Variants in PIK3C3 observed in about 807,000 individuals in gnomAD.
PIK3C3 encodes phosphatidylinositol 3-kinase catalytic subunit type 3, also known as PI3-kinase type 3.
PIK3C3 carries 95 observed loss-of-function variants against 126.1 expected under a neutral mutation model. The observed-to-expected ratio is 0.75, with a 90% CI of 0.64 to 0.89. PIK3C3 has a LOEUF of 0.89. Among genes scored for constraint, PIK3C3 ranks in the 40% least tolerant of loss-of-function variants. The probability of loss-of-function intolerance (pLI) is 0.00; values close to 1 mark genes in which losing one functional copy is unlikely to be tolerated. For missense variants in PIK3C3, 829 were observed against 1,063.2 expected, an observed-to-expected ratio of 0.78 and a Z score of 3.06; for synonymous variants, 374 against 360.0, an observed-to-expected ratio of 1.04 and a Z score of -0.44.
intron 24 of PIK3C3, among the ~76,000 whole-genome samples, chr18:42,076,165 C>A (rs867868404): frequency 9.6e-6 from 1 of 103,676 alleles, no homozygotes; most frequent in Non-Finnish European, 1.8e-5. Flanking sequence ...TATATATGCA[C>A]ATATATATAT....
At chr18:42,016,936 C>T (rs1190826746) in intron 12 of PIK3C3, among the ~76,000 whole-genome samples, 4 of 152,020 alleles carry the variant, frequency 2.6e-5, no homozygotes. Context: ...GATTTACACT[C>T]CCCCATCACT....
At chr18:42,009,313 A>C (rs540130938) in intron 10 of PIK3C3, among the ~76,000 whole-genome samples, 1 of 152,274 alleles carries the variant, frequency 6.6e-6, no homozygotes, top group Non-Finnish European at 1.5e-5. Context: ...CATTTAATTT[A>C]TATTTATGAT....
intron 24 of PIK3C3, among the ~76,000 whole-genome samples, chr18:42,076,817 G>A (rs1986051629): frequency 6.6e-6 from 1 of 152,128 alleles, no homozygotes; most frequent in Non-Finnish European, 1.5e-5. Context: ...GGTTTGCCAT[G>A]TTTGCTTCAT....
At chr18:42,051,948 C>T (rs933099891) in intron 21 of PIK3C3, among the ~76,000 whole-genome samples, 1 of 151,284 alleles carries the variant, frequency 6.6e-6, no homozygotes, top group African/African-American at 2.4e-5. Flanking sequence ...ACGTTGTGCA[C>T]ATGTACCCTA....
At chr18:42,076,131 T>TATATTTATATATGCAC (rs1555643380) in intron 24 of PIK3C3, among the ~76,000 whole-genome samples, 1 of 83,478 alleles carries the variant, frequency 1.2e-5, no homozygotes, top group Non-Finnish European at 2.1e-5. Context: ...TGCGCATATA[T>TATATTTATATATGCAC]ATATATATAT....
rs898290778 is a variant in PIK3C3, at chr18:41,962,399, C to T, written c.258-90C>T. 1.2e-5 allele frequency: 13 copies of T among 1,106,192 alleles called. No homozygotes were observed. In the South Asian group the frequency reaches 3.1e-4, roughly 26 times the overall value. The allele number at this position is 1,106,192 out of a possible 1,614,324, so 68.5% of individuals were successfully genotyped here. A position where few individuals can be genotyped will look rare whatever the true frequency, so the allele number is the denominator to read the frequency against. On this transcript the variant is annotated intron_variant, in intron 2 of 24. Transcript: ENST00000262039. Reference sequence around the variant, plus strand: ...CTAACAACATTTTTGGAACCTTTTCCTCTGGCCAAAACTTTTTGTGTGGTT... The same window carrying T: ...CTAACAACATTTTTGGAACCTTTTCTTCTGGCCAAAACTTTTTGTGTGGTT...
intron 4 of PIK3C3, chr18:41,985,217 A>G (rs985446979): frequency 2.6e-5 from 4 of 152,198 alleles, no homozygotes; most frequent in African/African-American, 7.2e-5. Flanking sequence ...TCTCTCAAGA[A>G]GATGATTTTG....
At chr18:41,957,502 G>C in intron 1 of PIK3C3, 68 bp from the exon 2 acceptor site, 1 of 1,461,260 alleles carries the variant, frequency 6.8e-7, no homozygotes, top group South Asian at 1.2e-5. Flanking sequence ...TACATGCTTA[G>C]TACTTATGTA....
At chr18:42,008,327 C>T (rs913490012) in intron 10 of PIK3C3, among the ~76,000 whole-genome samples, 5 of 151,888 alleles carry the variant, frequency 3.3e-5, no homozygotes, top group South Asian at 2.1e-4. Flanking sequence ...AGAATTTTTA[C>T]GTTTGGAGTT....
At chr18:42,014,533 A>G (rs147481490) in intron 11 of PIK3C3, among the ~76,000 whole-genome samples, 134 of 152,246 alleles carry the variant, frequency 8.8e-4, no homozygotes, top group African/African-American at 3.1e-3. Context: ...GTATCTTGCA[A>G]ATGGTAGAGT....
intron 16 of PIK3C3, among the ~76,000 whole-genome samples, chr18:42,034,583 C>T (rs1358206793): frequency 1.3e-5 from 2 of 152,102 alleles, no homozygotes; most frequent in Admixed American, 6.6e-5. Flanking sequence ...CTCTTTAGTC[C>T]TTAGTAGCAT....
chr18:41,993,941 A>C (rs549582706), intron 7 of PIK3C3, among the ~76,000 whole-genome samples: 1 of 152,234 alleles, frequency 6.6e-6, no homozygotes, highest in Non-Finnish European at 1.5e-5. Flanking sequence ...AGAATTACAA[A>C]CTTGTAGGCA....
rs546064253 is a variant in PIK3C3, at chr18:42,076,632, A to G, written c.2650-4491A>G. ...AACAAAGAATACAGGCACTTGCTAT[A>G]TGACAAATGTTTGCAGCTTGTAAGA... On this transcript the variant is annotated intron_variant, in intron 24 of 24. Transcript: ENST00000262039. Among the ~76,000 whole-genome samples, 41 of 152,320 alleles carry G rather than the reference A, an allele frequency of 2.7e-4. No individual in the cohort carries two copies. The South Asian group carries it at 8.3e-3, about 31-fold the overall frequency.
At position 42,081,652 on chromosome 18, in the gene PIK3C3, T is replaced by A. The variant is rs1307835118; in HGVS notation, c.*515T>A. 6.5e-6 allele frequency: 1 copy of A among 153,228 alleles called. No individual in the cohort carries two copies. Among genetic ancestry groups the A allele is most frequent in the Non-Finnish European group, 1.5e-5 (1 of 68,670 alleles). 9.5% of individuals were successfully genotyped at this position (153,228 alleles called of 1,614,324 possible). On this transcript the variant is annotated 3_prime_UTR_variant, in exon 25 of 25. Coordinates refer to ENST00000262039, the MANE Select transcript of PIK3C3 (RefSeq NM_002647.4). The stretch of plus-strand genomic sequence containing the variant: ...TACATGTTTAAAGTTCTACTTAAAA[T>A]TTTTCTTCAAGTTTTACATGTGATG...
chr18:41,959,098 G>A (rs893936228), intron 2 of PIK3C3, among the ~76,000 whole-genome samples: 1 of 152,130 alleles, frequency 6.6e-6, no homozygotes, highest in African/African-American at 2.4e-5. Flanking sequence ...TGTGTTTTGT[G>A]TACTTTTTCA....
In PIK3C3 at chr18:42,039,778, C is replaced by G. The variant is rs139782690; in HGVS notation, c.2039-899C>G. 2.2e-3 allele frequency among the ~76,000 whole-genome samples: 336 copies of G among 152,270 alleles called. 1 individual carries two copies. The highest frequency in any genetic ancestry group is 7.5e-3 in the African/African-American group (310 of 41,536). ...GTACCCTTTATTCATAGTATTTACC[C>G]AAGTGAAGCTTATAAGCTTTAAGAT... On this transcript the variant is annotated intron_variant, in intron 18 of 24. Coordinates refer to ENST00000262039, the MANE Select transcript of PIK3C3 (RefSeq NM_002647.4).
intron 4 of PIK3C3, among the ~76,000 whole-genome samples, chr18:41,984,544 C>T (rs1458667591): frequency 6.6e-6 from 1 of 152,126 alleles, no homozygotes; most frequent in Non-Finnish European, 1.5e-5. Flanking sequence ...CCAGAAGAGA[C>T]TGTGTTAGCT....
At position 41,975,616 on chromosome 18, in the gene PIK3C3, T is replaced by A. The variant is rs554451392; in HGVS notation, c.531+5160T>A. 3.9e-5 allele frequency among the ~76,000 whole-genome samples: 6 copies of A among 152,290 alleles called. No individual in the cohort carries two copies. In the South Asian group the frequency reaches 1.0e-3, roughly 26 times the overall value. Reference sequence around the variant, plus strand: ...GAAATGTAAGTAGTCTTCATGATATTGTTGATTTCTTAGTGAACCATGAAG... The same window carrying A: ...GAAATGTAAGTAGTCTTCATGATATAGTTGATTTCTTAGTGAACCATGAAG... On this transcript the variant is annotated intron_variant, in intron 4 of 24. Coordinates refer to ENST00000262039, the MANE Select transcript of PIK3C3 (RefSeq NM_002647.4).
At chr18:42,048,057 C>G (rs1984633739) in intron 20 of PIK3C3, among the ~76,000 whole-genome samples, 1 of 152,116 alleles carries the variant, frequency 6.6e-6, no homozygotes, top group Non-Finnish European at 1.5e-5. Context: ...CAGATTTGAC[C>G]ATCAGGCTGT....
Sources: gnomAD v4.1 joint callset for allele counts (sites outside exome capture counted in the v4.1 genomes callset) on GRCh38, gnomAD v4.1.1 for gene constraint, MANE v1.5 for transcripts, NCBI Gene and HGNC (gene_info 2026-07-23, HGNC 2026-07-21) for gene names.